The following GPHN variants were observed in gnomAD, a reference collection of about 807,000 sequenced individuals.
GPHN encodes the protein gephyrin.
A neutral mutation model predicts 95.5 loss-of-function variants in GPHN; 17 were observed. The ratio of observed to expected loss-of-function variants is 0.18; its 90% CI spans 0.12 to 0.27. The LOEUF (loss-of-function observed/expected upper bound fraction) is 0.27. Ranked by LOEUF, GPHN falls within the 10% of genes least tolerant of loss-of-function variation. The pLI is 1.00. For missense variants in GPHN, 660 were observed against 978.1 expected (o/e 0.67, Z 4.34); for synonymous variants, 320 against 322.5 (o/e 0.99, Z 0.08).
intron 2 of GPHN, among the ~76,000 whole-genome samples, chr14:66,775,674 C>T (rs2059355247): frequency 6.6e-6 from 1 of 151,968 alleles, no homozygotes. Context: ...CTCAATTTTC[C>T]CATTTTTATA....
At chr14:67,047,594 G>A (rs1207262523) in intron 10 of GPHN, among the ~76,000 whole-genome samples, 1 of 152,116 alleles carries the variant, frequency 6.6e-6, no homozygotes, top group Non-Finnish European at 1.5e-5. Context: ...TCAAACTCCT[G>A]AGTTCAGGCA....
At chr14:67,088,916 T>G (rs1179685814) in intron 11 of GPHN, 67 bp from the exon 12 acceptor site, 2 of 876,930 alleles carry the variant, frequency 2.3e-6, no homozygotes, top group Non-Finnish European at 3.9e-6. Flanking sequence ...ATGCCCATCT[T>G]GTTTATGACT....
intron 1 of GPHN, among the ~76,000 whole-genome samples, chr14:66,588,094 A>G (rs967193789): frequency 3.3e-5 from 5 of 152,194 alleles, no homozygotes; most frequent in Admixed American, 6.5e-5. Flanking sequence ...ACCTAGGCAA[A>G]CAGGGTCTGG....
At chr14:67,729,494 T>A in the GPHN span, 1 of 1,069,536 alleles carries the variant, frequency 9.3e-7, no homozygotes, top group East Asian at 2.4e-5. Context: ...AATCCAGGTT[T>A]GGGTTGGGCC....
the GPHN span, chr14:67,225,247 C>T: frequency 2.0e-6 from 3 of 1,515,882 alleles, no homozygotes; most frequent in Non-Finnish European, 1.8e-6. Flanking sequence ...GATGGAAAAA[C>T]ATGTAAGACA....
At chr14:66,770,191 T>C (rs1217286770) in intron 2 of GPHN, among the ~76,000 whole-genome samples, 2 of 152,184 alleles carry the variant, frequency 1.3e-5, no homozygotes, top group Non-Finnish European at 2.9e-5. Flanking sequence ...TTTCTTCTTG[T>C]ACATTTGTTG....
chr14:67,281,037 T>C, the GPHN span, among the ~76,000 whole-genome samples: 1 of 151,938 alleles, frequency 6.6e-6, no homozygotes, highest in Non-Finnish European at 1.5e-5. Flanking sequence ...TGGCTGGGAT[T>C]ACAGGCATGT....
chr14:67,413,076 T>G, the GPHN span, among the ~76,000 whole-genome samples: 3 of 152,184 alleles, frequency 2.0e-5, no homozygotes, highest in Non-Finnish European at 2.9e-5. Context: ...AAAAATAATA[T>G]TTTAATGCAT....
the GPHN span, chr14:67,338,694 C>T: frequency 6.2e-7 from 1 of 1,613,914 alleles, no homozygotes; most frequent in Non-Finnish European, 8.5e-7. Flanking sequence ...TCCAGCTGCT[C>T]TCCTTTGCTC....
the GPHN span, among the ~76,000 whole-genome samples, chr14:67,398,311 C>T: frequency 5.3e-5 from 8 of 152,134 alleles, no homozygotes; most frequent in Admixed American, 2.6e-4. Flanking sequence ...TGCAGCCTCC[C>T]TTTCCTGGAC....
chr14:67,562,556 A>C, the GPHN span: 10 of 1,611,318 alleles, frequency 6.2e-6, no homozygotes, highest in Non-Finnish European at 8.5e-6. Context: ...TCCTGGCAGC[A>C]GTCTGACCCT....
chr14:67,358,154 A>T, the GPHN span, among the ~76,000 whole-genome samples: 3 of 152,158 alleles, frequency 2.0e-5, no homozygotes, highest in Non-Finnish European at 4.4e-5. Flanking sequence ...CATTGCTAGA[A>T]GATAAACTAG....
chr14:66,580,490 AGAAAT>A (rs2061110732), intron 1 of GPHN, among the ~76,000 whole-genome samples: 1 of 151,830 alleles, frequency 6.6e-6, no homozygotes, highest in Non-Finnish European at 1.5e-5. Context: ...AAAGAAAATC[AGAAAT>A]GAAAGAGGAG....
At chr14:66,922,613 T>C (rs1403496325) in intron 6 of GPHN, 53 bp from the exon 7 acceptor site, 7 of 1,429,060 alleles carry the variant, frequency 4.9e-6, no homozygotes, top group African/African-American at 1.4e-5. Flanking sequence ...CACCATCTTA[T>C]ATAATTACAA....
chr14:67,299,825 A>G, the GPHN span, among the ~76,000 whole-genome samples: 2 of 152,236 alleles, frequency 1.3e-5, no homozygotes. Context: ...GAAAATTATT[A>G]TTGAGCTGAC....
intron 9 of GPHN, among the ~76,000 whole-genome samples, chr14:66,973,108 T>A (rs1209691057): frequency 6.6e-6 from 1 of 152,188 alleles, no homozygotes; most frequent in Non-Finnish European, 1.5e-5. Context: ...TTGAAAATAT[T>A]CTGGATGAAA....
At chr14:67,170,287 T>C (rs1426374786) in intron 21 of GPHN, among the ~76,000 whole-genome samples, 2 of 152,020 alleles carry the variant, frequency 1.3e-5, no homozygotes, top group African/African-American at 4.8e-5. Flanking sequence ...ACAGTGGTAA[T>C]CAAATTTGAA....
chr14:67,562,090 CT>C, the GPHN span: 220 of 1,601,154 alleles, frequency 1.4e-4, no homozygotes, highest in East Asian at 3.4e-3. Flanking sequence ...GGGTATGGGG[CT>C]GAGCTACGGG....
chr14:66,557,088 T>A (rs1000313690), intron 1 of GPHN, among the ~76,000 whole-genome samples: 9 of 151,926 alleles, frequency 5.9e-5, no homozygotes. Context: ...GTGCATGTAG[T>A]CCCAGTTACT....
Sources: allele counts gnomAD v4.1 joint callset (sites outside exome capture counted in the v4.1 genomes callset), GRCh38; gene constraint gnomAD v4.1.1; transcripts MANE v1.5; gene names NCBI Gene and HGNC (gene_info 2026-07-23, HGNC 2026-07-21).